TPH2: variants seen among roughly 807,000 people sequenced by gnomAD.
TPH2 encodes the protein tryptophan hydroxylase 2.
Under a neutral mutation model 59.1 loss-of-function variants are expected in TPH2, and 27 were observed. The ratio of observed to expected loss-of-function variants is 0.46; its 90% CI spans 0.34 to 0.63. The LOEUF (loss-of-function observed/expected upper bound fraction) is 0.63, where lower values mean the gene tolerates loss of function less well. TPH2 is among the 30% of genes least tolerant of loss of function. The pLI, the probability that TPH2 is intolerant of heterozygous loss-of-function variation, is 0.01. For missense variants in TPH2, 523 were observed against 588.3 expected (o/e 0.89, Z 1.15); for synonymous variants, 220 against 210.5 (o/e 1.05, Z -0.39).
intron 5 of TPH2, among the ~76,000 whole-genome samples, chr12:71,968,952 C>A (rs1871893115): frequency 6.6e-6 from 1 of 152,140 alleles, no homozygotes. Flanking sequence ...AATATGACTT[C>A]TGTTATATAT....
intron 6 of TPH2, 37 bp from the exon 7 acceptor site, chr12:71,978,915 G>T (rs1872193914): frequency 6.8e-6 from 11 of 1,613,978 alleles, no homozygotes; most frequent in Non-Finnish European, 9.3e-6. Context: ...GTCTTGCTGG[G>T]TTAATATTTA....
chr12:72,021,383 GTGTGTGTGTGTGTA>G (rs1331787322), intron 8 of TPH2, among the ~76,000 whole-genome samples: 11 of 150,932 alleles, frequency 7.3e-5, no homozygotes, highest in African/African-American at 2.7e-4. Flanking sequence ...GTGTGTGTGT[GTGTGTGTGTGTGTA>G]TGTGTGTATA....
intron 4 of TPH2, among the ~76,000 whole-genome samples, chr12:71,947,961 G>T (rs150282351): frequency 6.6e-6 from 1 of 152,236 alleles, no homozygotes; most frequent in Admixed American, 6.5e-5. Flanking sequence ...TTCACAGGAC[G>T]CTTTTCCTTT....
intron 8 of TPH2, among the ~76,000 whole-genome samples, chr12:72,002,342 C>T (rs1872845361): frequency 6.6e-6 from 1 of 151,744 alleles, no homozygotes; most frequent in South Asian, 2.1e-4. Context: ...GAGACAGAGA[C>T]AGAGAGAGAC....
chr12:71,986,965 T>C (rs1026391088), intron 7 of TPH2, among the ~76,000 whole-genome samples: 19 of 152,104 alleles, frequency 1.2e-4, no homozygotes, highest in African/African-American at 4.6e-4. Flanking sequence ...TTTACTACCG[T>C]GTAGAGAATT....
intron 5 of TPH2, among the ~76,000 whole-genome samples, chr12:71,971,136 A>T (rs2139202584): frequency 6.6e-6 from 1 of 152,224 alleles, no homozygotes; most frequent in South Asian, 2.1e-4. Flanking sequence ...GGTGCTACTG[A>T]ATGATCCTAG....
intron 5 of TPH2, chr12:71,961,986 C>A: frequency 2.9e-6 from 3 of 1,027,956 alleles, no homozygotes; most frequent in Non-Finnish European, 3.5e-6. Context: ...GACTCATTTA[C>A]GAAAATTCAT....
chr12:72,015,243 A>G (rs1873209695), intron 8 of TPH2, among the ~76,000 whole-genome samples: 2 of 151,754 alleles, frequency 1.3e-5, no homozygotes, highest in South Asian at 2.1e-4. Context: ...TAGATGGAAA[A>G]ATGTTAGTAA....
At chr12:72,009,309 G>A (rs916168655) in intron 8 of TPH2, among the ~76,000 whole-genome samples, 1 of 152,170 alleles carries the variant, frequency 6.6e-6, no homozygotes, top group Admixed American at 6.5e-5. Flanking sequence ...TCTCTTGGTA[G>A]CCAAAGCCAG....
At chr12:72,024,767 T>C (rs916038848) in intron 9 of TPH2, among the ~76,000 whole-genome samples, 5 of 152,230 alleles carry the variant, frequency 3.3e-5, no homozygotes, top group Admixed American at 1.3e-4. Context: ...TTTTTGTTCC[T>C]ACTGGTGTGG....
chr12:71,994,913 T>G (rs1049349815), intron 8 of TPH2, among the ~76,000 whole-genome samples: 1 of 152,222 alleles, frequency 6.6e-6, no homozygotes, highest in African/African-American at 2.4e-5. Context: ...TGAGTGTGAC[T>G]GTGTCCCAAT....
intron 9 of TPH2, among the ~76,000 whole-genome samples, chr12:72,023,268 T>C (rs983993231): frequency 3.9e-5 from 6 of 152,256 alleles, no homozygotes; most frequent in African/African-American, 1.4e-4. Flanking sequence ...CTATTCAGAC[T>C]AAGGTCAGGA....
At chr12:72,029,788 T>A (rs1873672052) in intron 9 of TPH2, among the ~76,000 whole-genome samples, 2 of 152,180 alleles carry the variant, frequency 1.3e-5, no homozygotes, top group African/African-American at 2.4e-5. Flanking sequence ...GTGCCCTTTC[T>A]CTTACATGTC....
intron 9 of TPH2, among the ~76,000 whole-genome samples, chr12:72,022,715 C>A (rs976165927): frequency 3.9e-5 from 6 of 152,196 alleles, no homozygotes; most frequent in Non-Finnish European, 1.5e-5. Context: ...GGATGAGCAG[C>A]CACGTGTACA....
intron 5 of TPH2, among the ~76,000 whole-genome samples, chr12:71,958,648 G>A (rs565205353): frequency 3.5e-4 from 53 of 152,214 alleles, no homozygotes; most frequent in African/African-American, 1.2e-3. Context: ...CTCTCTCCCA[G>A]GCCCCATGCT....
intron 7 of TPH2, among the ~76,000 whole-genome samples, chr12:71,985,731 C>A (rs1872414982): frequency 6.6e-6 from 1 of 152,036 alleles, no homozygotes; most frequent in East Asian, 1.9e-4. Context: ...TATTTGGTGA[C>A]CCTGATTTGC....
chr12:72,028,859 G>C (rs145727261), intron 9 of TPH2, among the ~76,000 whole-genome samples: 1 of 152,156 alleles, frequency 6.6e-6, no homozygotes, highest in African/African-American at 2.4e-5. Context: ...TTGGTCAAGC[G>C]TGATCTATAT....
At chr12:72,020,537 G>A (rs559205153) in intron 8 of TPH2, among the ~76,000 whole-genome samples, 2 of 152,214 alleles carry the variant, frequency 1.3e-5, no homozygotes, top group East Asian at 3.9e-4. Flanking sequence ...TGCCCAGGCT[G>A]GAGTGTAATG....
intron 7 of TPH2, among the ~76,000 whole-genome samples, chr12:71,989,341 G>C (rs1329339056): frequency 6.6e-6 from 1 of 152,192 alleles, no homozygotes; most frequent in African/African-American, 2.4e-5. Context: ...TAAGTCACCT[G>C]TCTGCAACGC....
Sources: gnomAD v4.1 joint callset for allele counts (sites outside exome capture counted in the v4.1 genomes callset) on GRCh38, gnomAD v4.1.1 for gene constraint, MANE v1.5 for transcripts, NCBI Gene and HGNC (gene_info 2026-07-23, HGNC 2026-07-21) for gene names.